Variants in B3GALT1 observed in about 807,000 individuals in gnomAD.
B3GALT1 encodes UDP-Gal:betaGlcNAc beta 1,3-galactosyltransferase, polypeptide 1.
A neutral mutation model predicts 23.2 loss-of-function variants in B3GALT1; 10 were observed. That is an observed-to-expected ratio of 0.43 (90% CI 0.27 to 0.73). The LOEUF (loss-of-function observed/expected upper bound fraction) is 0.73. B3GALT1 is among the 30% of genes least tolerant of loss of function. The pLI, the probability that B3GALT1 is intolerant of heterozygous loss-of-function variation, is 0.21. For synonymous variants in B3GALT1, 156 were observed against 141.5 expected (o/e 1.10, Z -0.73); for missense variants, 299 against 405.4 (o/e 0.74, Z 2.25).
In B3GALT1 at chr2:167,713,994, T is replaced by C. The variant is rs528794592; in HGVS notation, c.-352+67028T>C. 4 of 1,550,994 alleles carry C rather than the reference T, an allele frequency of 2.6e-6. No individual in the cohort carries two copies. In the African/African-American group the frequency reaches 5.4e-5, roughly 21 times the overall value. On this transcript the variant is annotated intron_variant, in intron 3 of 4. Transcript: ENST00000392690. ...CTGATTGCAGCAAGAGGTGGAGGAA[T>C]AAAGCCGGGGCCAGTTGCTTCATTT...
chr2:167,659,214 A>T (rs547435426), intron 3 of B3GALT1, among the ~76,000 whole-genome samples: 1 of 151,394 alleles, frequency 6.6e-6, no homozygotes, highest in Admixed American at 6.6e-5. Context: ...TAATTAGAAA[A>T]GCATCTTGAG....
intron 1 of B3GALT1, among the ~76,000 whole-genome samples, chr2:167,300,171 C>G (rs1696422653): frequency 6.6e-6 from 1 of 152,158 alleles, no homozygotes; most frequent in Admixed American, 6.5e-5. Context: ...TCCCAAAGTG[C>G]TGGGATTACA....
chr2:167,643,195 C>G (rs369638684), intron 2 of B3GALT1, among the ~76,000 whole-genome samples: 1 of 152,270 alleles, frequency 6.6e-6, no homozygotes, highest in South Asian at 2.1e-4. Flanking sequence ...TACATTAAAT[C>G]TGTGTTTGAG....
chr2:167,791,912 C>CA (rs1688443365), intron 3 of B3GALT1, among the ~76,000 whole-genome samples: 2 of 150,564 alleles, frequency 1.3e-5, no homozygotes, highest in South Asian at 4.2e-4. Context: ...GATAAAAAAG[C>CA]AAAAATACTG....
Position 167,816,858 on chromosome 2 carries a change from A to C in B3GALT1, c.-351-1814A>C, listed in dbSNP as rs115593632. ...ACTTTAAAGAGCAGAATGAGGGTTC[A>C]TGCAGACTAAAAACTGACTACATGC... On this transcript the variant is annotated intron_variant, in intron 3 of 4. Transcript: ENST00000392690. Among the ~76,000 whole-genome samples the C allele has an allele frequency of 4.8e-3, 735 of 152,336 alleles. 4 individuals are homozygous for C. The highest frequency in any genetic ancestry group is 0.016 in the African/African-American group (684 of 41,582).
At chr2:167,860,197 G>A (rs1282493870) in intron 4 of B3GALT1, among the ~76,000 whole-genome samples, 1 of 152,166 alleles carries the variant, frequency 6.6e-6, no homozygotes, top group Non-Finnish European at 1.5e-5. Flanking sequence ...CCCACAGAAT[G>A]AAGATACTTT....
intron 1 of B3GALT1, among the ~76,000 whole-genome samples, chr2:167,376,149 A>G (rs1182157741): frequency 1.3e-5 from 2 of 152,220 alleles, no homozygotes; most frequent in Admixed American, 1.3e-4. Flanking sequence ...ATGTCGAACC[A>G]TTCTTGCATT....
In B3GALT1 at chr2:167,715,744, T is replaced by G. The variant is rs1401166623; in HGVS notation, c.-352+68778T>G. On this transcript the variant is annotated intron_variant, in intron 3 of 4. Transcript: ENST00000392690. ...TGGCATCCTCTAAAGATGACTGTACTTCATAGCCTTCATACTCTTTTGGAA... is the reference window on the plus strand; with the variant it reads ...TGGCATCCTCTAAAGATGACTGTACGTCATAGCCTTCATACTCTTTTGGAA... 4 of 1,613,010 alleles carry G rather than the reference T, an allele frequency of 2.5e-6. No individual in the cohort carries two copies. In the East Asian group the frequency reaches 6.7e-5, roughly 27 times the overall value.
chr2:167,355,056 A>C (rs975977953), intron 1 of B3GALT1, among the ~76,000 whole-genome samples: 5 of 152,198 alleles, frequency 3.3e-5, no homozygotes, highest in African/African-American at 1.2e-4. Flanking sequence ...TGTCTCCTCC[A>C]TGAATGCAGA....
At chr2:167,584,103 C>T (rs1440617054) in intron 2 of B3GALT1, among the ~76,000 whole-genome samples, 2 of 152,072 alleles carry the variant, frequency 1.3e-5, no homozygotes, top group African/African-American at 2.4e-5. Flanking sequence ...GTCAAGTGGA[C>T]CTGGCTTTTT....
At chr2:167,680,188 T>C (rs1159930557) in intron 3 of B3GALT1, among the ~76,000 whole-genome samples, 1 of 152,208 alleles carries the variant, frequency 6.6e-6, no homozygotes, top group East Asian at 1.9e-4. Flanking sequence ...ATGGAAAATA[T>C]CACGTAGAAA....
intron 3 of B3GALT1, among the ~76,000 whole-genome samples, chr2:167,692,197 G>C (rs773281219): frequency 5.9e-5 from 9 of 152,076 alleles, no homozygotes; most frequent in Admixed American, 2.0e-4. Flanking sequence ...CACACAATTA[G>C]CAGGAAGAGA....
At chr2:167,486,107 A>G (rs1374377696) in intron 1 of B3GALT1, among the ~76,000 whole-genome samples, 3 of 152,192 alleles carry the variant, frequency 2.0e-5, no homozygotes, top group African/African-American at 7.2e-5. Context: ...CACACCTGTA[A>G]TCTCAGCACT....
rs568929968 is a variant in B3GALT1 at position 167,593,956 on chromosome 2, A to C, written c.-409-52953A>C. The stretch of plus-strand genomic sequence containing the variant: ...TGGATAAACCACCCAAAAGTGAATT[A>C]AAAGCAAGCAAACAAAAACACAGAA... On this transcript the variant is annotated intron_variant, in intron 2 of 4. Coordinates refer to ENST00000392690, the MANE Select transcript of B3GALT1 (RefSeq NM_020981.4). Among the ~76,000 whole-genome samples the C allele has an allele frequency of 1.1e-3, 167 of 152,374 alleles. 1 individual carries two copies. The South Asian group carries it at 0.034, about 31-fold the overall frequency.
intron 3 of B3GALT1, among the ~76,000 whole-genome samples, chr2:167,719,270 G>T (rs1281428849): frequency 6.6e-6 from 1 of 152,150 alleles, no homozygotes; most frequent in African/African-American, 2.4e-5. Context: ...TATGTGCATT[G>T]ATTTTTGAGA....
intron 3 of B3GALT1, among the ~76,000 whole-genome samples, chr2:167,733,969 G>A (rs184147016): frequency 6.9e-4 from 105 of 152,090 alleles, no homozygotes; most frequent in Middle Eastern, 3.4e-3. Context: ...ATCTAACTGC[G>A]GCTCAGCTTT....
rs371636594 is a variant in B3GALT1 at position 167,654,877 on chromosome 2, C to A, written c.-352+7911C>A. On this transcript the variant is annotated intron_variant, in intron 3 of 4. Transcript: ENST00000392690. ...TTCTGTAATATGACCTTTTATAGTC[C>A]CTCTCCCCCAGGTAACTACCCACTA... Among the ~76,000 whole-genome samples the A allele has an allele frequency of 4.0e-5, 6 of 151,636 alleles. No individual in the cohort carries two copies. In the East Asian group the frequency reaches 5.8e-4, roughly 15 times the overall value.
At chr2:167,581,939 G>C (rs1396990322) in intron 2 of B3GALT1, among the ~76,000 whole-genome samples, 1 of 152,150 alleles carries the variant, frequency 6.6e-6, no homozygotes, top group Admixed American at 6.5e-5. Context: ...AATGTGCCCT[G>C]TCTTCTGTGC....
At chr2:167,335,921 A>G (rs979108328) in intron 1 of B3GALT1, among the ~76,000 whole-genome samples, 1 of 152,106 alleles carries the variant, frequency 6.6e-6, no homozygotes, top group South Asian at 2.1e-4. Flanking sequence ...TCAAGATGGA[A>G]TTCCTCTGGT....
Sources: allele counts gnomAD v4.1 joint callset (sites outside exome capture counted in the v4.1 genomes callset), GRCh38; gene constraint gnomAD v4.1.1; transcripts MANE v1.5; gene names NCBI Gene and HGNC (gene_info 2026-07-23, HGNC 2026-07-21).